Variants in CELF2 observed in about 807,000 individuals in gnomAD.
The protein encoded by CELF2 is CUGBP Elav-like family member 2, also known as CUG triplet repeat RNA-binding protein 2.
Under a neutral mutation model 62.6 loss-of-function variants are expected in CELF2, and 8 were observed. The observed-to-expected ratio is 0.13, with a 90% CI of 0.07 to 0.23. CELF2 has a LOEUF of 0.23. CELF2 is among the 10% of genes least tolerant of loss of function. The probability of loss-of-function intolerance (pLI) is 1.00; values close to 1 mark genes in which losing one functional copy is unlikely to be tolerated. For synonymous variants in CELF2, 258 were observed against 250.0 expected, an observed-to-expected ratio of 1.03 and a Z score of -0.30; for missense variants, 333 against 671.0, an observed-to-expected ratio of 0.50 and a Z score of 5.56.
chr10:11,106,743 C>T (rs1044908440), intron 1 of CELF2, among the ~76,000 whole-genome samples: 1 of 152,214 alleles, frequency 6.6e-6, no homozygotes, highest in Non-Finnish European at 1.5e-5. Flanking sequence ...TACTTGTGGT[C>T]TTTACGGAAG....
At chr10:11,192,473 C>T (rs2076491244) in intron 2 of CELF2, among the ~76,000 whole-genome samples, 1 of 152,200 alleles carries the variant, frequency 6.6e-6, no homozygotes, top group Non-Finnish European at 1.5e-5. Flanking sequence ...GAGGGGAGAC[C>T]ACAGCGTCAG....
chr10:10,776,897 G>T, the CELF2 span, among the ~76,000 whole-genome samples: 1 of 152,218 alleles, frequency 6.6e-6, no homozygotes, highest in Non-Finnish European at 1.5e-5. Context: ...GACCTACAAA[G>T]GTCAACACGT....
At chr10:10,871,856 C>T (rs1038030464) in intron 1 of CELF2, among the ~76,000 whole-genome samples, 3 of 152,100 alleles carry the variant, frequency 2.0e-5, no homozygotes, top group Admixed American at 6.5e-5. Flanking sequence ...TCAGCCCAAA[C>T]GAATACAATG....
intron 1 of CELF2, among the ~76,000 whole-genome samples, chr10:10,910,699 CAAAAAAAAA>C (rs55954207): frequency 2.2e-5 from 2 of 92,246 alleles, no homozygotes; most frequent in African/African-American, 3.9e-5. Context: ...GACTCTGCCT[CAAAAAAAAA>C]AAAAAAAAAA....
the CELF2 span, among the ~76,000 whole-genome samples, chr10:10,783,096 G>A: frequency 6.6e-6 from 1 of 152,072 alleles, no homozygotes; most frequent in Non-Finnish European, 1.5e-5. Flanking sequence ...CTTGTGAAGG[G>A]TTTTCACTCT....
the CELF2 span, among the ~76,000 whole-genome samples, chr10:10,655,176 C>T: frequency 6.8e-6 from 1 of 147,526 alleles, no homozygotes; most frequent in African/African-American, 2.5e-5. Context: ...TGTGAAGGAC[C>T]TCTTCAAGGA....
Position 11,246,274 on chromosome 10 carries a change from C to T in CELF2, c.355-2879C>T, listed in dbSNP as rs574548975. Among the ~76,000 whole-genome samples, 80 of 152,084 alleles carry T rather than the reference C, an allele frequency of 5.3e-4. No individual in the cohort carries two copies. The highest frequency in any genetic ancestry group is 1.9e-3 in the African/African-American group (78 of 41,458). On this transcript the variant is annotated intron_variant, in intron 3 of 12. Transcript: ENST00000633077. This position sits in a 1 kb window ranked among gnomAD's most constrained non-coding sequence, Gnocchi z 4.6. ...TTGTGTCCCAGGCATAATGTAGGTG[C>T]GCTCACCTCATCTCTCCCATATCTT...
At chr10:10,937,283 C>A (rs2046525153) in intron 2 of CELF2, among the ~76,000 whole-genome samples, 1 of 151,960 alleles carries the variant, frequency 6.6e-6, no homozygotes, top group Admixed American at 6.6e-5. Context: ...AGGCAAGTGC[C>A]ACCATGCCCA....
At chr10:10,502,137 A>T in the CELF2 span, among the ~76,000 whole-genome samples, 3 of 152,028 alleles carry the variant, frequency 2.0e-5, no homozygotes, top group Non-Finnish European at 4.4e-5. Context: ...ATAATTCTTC[A>T]TATATATTAC....
the CELF2 span, among the ~76,000 whole-genome samples, chr10:10,531,953 G>T: frequency 6.6e-6 from 1 of 152,164 alleles, no homozygotes; most frequent in African/African-American, 2.4e-5. Context: ...TGGCTATATT[G>T]ACTCTACCTT....
chr10:11,283,886 T>G (rs1002362542), intron 8 of CELF2, among the ~76,000 whole-genome samples: 4 of 145,026 alleles, frequency 2.8e-5, no homozygotes, highest in Non-Finnish European at 4.5e-5. Context: ...GATGGAGGGG[T>G]GGGTGGATGA....
the CELF2 span, among the ~76,000 whole-genome samples, chr10:10,483,149 A>G: frequency 1.3e-5 from 2 of 150,094 alleles, no homozygotes; most frequent in Non-Finnish European, 2.9e-5. Flanking sequence ...TTTACAAGTT[A>G]CAGTCTCACA....
chr10:10,748,023 G>A, the CELF2 span, among the ~76,000 whole-genome samples: 6,559 of 152,202 alleles, frequency 0.043, 287 homozygotes, highest in African/African-American at 0.11. Flanking sequence ...AGCTTAAAAC[G>A]TTGCACTCAT....
At chr10:11,096,618 A>G (rs936323188) in intron 1 of CELF2, among the ~76,000 whole-genome samples, 1 of 152,212 alleles carries the variant, frequency 6.6e-6, no homozygotes, top group Non-Finnish European at 1.5e-5. Flanking sequence ...GTATGGCCAG[A>G]CTGGGCATGG....
intron 2 of CELF2, among the ~76,000 whole-genome samples, chr10:10,982,169 A>C (rs2052208969): frequency 6.6e-6 from 1 of 151,814 alleles, no homozygotes; most frequent in Non-Finnish European, 1.5e-5. Context: ...TGGCCAGGCT[A>C]GTCTCCAGCT....
At position 11,177,321 on chromosome 10, in the gene CELF2, T is replaced by C. The variant is rs1454853180; in HGVS notation, c.271+11639T>C. Reference sequence around the variant, plus strand: ...ATGAAAGAAATAAAAGTCTCCTTATTTTTTTACTTTCTGTGTTGCTTCTTA... The same window carrying C: ...ATGAAAGAAATAAAAGTCTCCTTATCTTTTTACTTTCTGTGTTGCTTCTTA... On this transcript the variant is annotated intron_variant, in intron 2 of 12. Coordinates refer to ENST00000633077, the MANE Select transcript of CELF2 (RefSeq NM_001326342.2). This position sits in a 1 kb window ranked among gnomAD's most constrained non-coding sequence, Gnocchi z 4.8. Among the ~76,000 whole-genome samples the C allele has an allele frequency of 6.6e-6, 1 of 152,154 alleles. No homozygotes were observed. The highest frequency in any genetic ancestry group is 1.9e-4 in the East Asian group (1 of 5,202).
rs1249134023 is a variant in CELF2 at position 11,178,195 on chromosome 10, C to T, written c.271+12513C>T. Among the ~76,000 whole-genome samples, 1 of 152,218 alleles carries T rather than the reference C, an allele frequency of 6.6e-6. No homozygotes were observed. The highest frequency in any genetic ancestry group is 1.5e-5 in the Non-Finnish European group (1 of 68,028). ...GCGTTCTGTGCCCAGTCCTCGCTCC[C>T]CTTTGCCAACCGGGCTGCTGAGTGT... On this transcript the variant is annotated intron_variant, in intron 2 of 12. Coordinates refer to ENST00000633077, the MANE Select transcript of CELF2 (RefSeq NM_001326342.2). The surrounding 1 kb of genome is among the most constrained non-coding windows in gnomAD (Gnocchi z 4.3).
At chr10:10,651,014 G>C in the CELF2 span, among the ~76,000 whole-genome samples, 1 of 151,892 alleles carries the variant, frequency 6.6e-6, no homozygotes, top group African/African-American at 2.4e-5. Context: ...GTGGGTGCGC[G>C]CACCGTGCGC....
chr10:11,037,955 G>A (rs964860981), intron 1 of CELF2, among the ~76,000 whole-genome samples: 1 of 126,868 alleles, frequency 7.9e-6, no homozygotes, highest in Non-Finnish European at 1.7e-5. Context: ...CTTTGTTTTG[G>A]GGAAGCCGAA....
Sources: gnomAD v4.1 joint callset for allele counts (sites outside exome capture counted in the v4.1 genomes callset) on GRCh38, gnomAD v4.1.1 for gene constraint, Gnocchi (gnomAD v3.1) non-coding constraint, MANE v1.5 for transcripts, NCBI Gene and HGNC (gene_info 2026-07-23, HGNC 2026-07-21) for gene names.